SOCS5: variants seen among roughly 807,000 people sequenced by gnomAD.
SOCS5 encodes CIS-6.
Under a neutral mutation model 42.8 loss-of-function variants are expected in SOCS5, and 32 were observed. The observed-to-expected ratio is 0.75, with a 90% CI of 0.56 to 1.01. The LOEUF is 1.01. SOCS5 is among the 50% of genes least tolerant of loss of function. SOCS5 has a pLI of 0.00. For missense variants in SOCS5, 627 were observed against 653.0 expected, an observed-to-expected ratio of 0.96 and a Z score of 0.43; for synonymous variants, 283 against 229.6, an observed-to-expected ratio of 1.23 and a Z score of -2.10.
intron 1 of SOCS5, among the ~76,000 whole-genome samples, chr2:46,710,352 G>C (rs1469464542): frequency 2.0e-5 from 3 of 152,136 alleles, no homozygotes; most frequent in East Asian, 3.9e-4. Flanking sequence ...TCACCACGTT[G>C]GTTAGGCTGG....
rs1318215105 is a variant in SOCS5, at chr2:46,715,078, C to T, written c.-13+15629C>T. Among the ~76,000 whole-genome samples the T allele has an allele frequency of 4.6e-5, 7 of 152,156 alleles. No individual in the cohort carries two copies. In the East Asian group the frequency reaches 1.4e-3, roughly 29 times the overall value. On this transcript the variant is annotated intron_variant, in intron 1 of 1. Transcript: ENST00000394861. ...TTCTTTCTGCTTTGTCAGGCAGTTA[C>T]CTTTTCAAGCAATTAAAAGTGACAA...
At chr2:46,716,679 A>G (rs1053148838) in intron 1 of SOCS5, among the ~76,000 whole-genome samples, 8 of 151,966 alleles carry the variant, frequency 5.3e-5, no homozygotes, top group African/African-American at 1.7e-4. Flanking sequence ...GGGCCTCTCT[A>G]TGTTGCTCAG....
chr2:46,745,187 A>G (rs1465182962), intron 1 of SOCS5, among the ~76,000 whole-genome samples: 1 of 152,146 alleles, frequency 6.6e-6, no homozygotes, highest in Non-Finnish European at 1.5e-5. Context: ...AATATTGAGA[A>G]TTCTGCTTTA....
chr2:46,720,628 G>A (rs1672857233), intron 1 of SOCS5, among the ~76,000 whole-genome samples: 1 of 152,184 alleles, frequency 6.6e-6, no homozygotes, highest in Non-Finnish European at 1.5e-5. Flanking sequence ...TTAGTGTTCT[G>A]TGGTTAGTGT....
intron 1 of SOCS5, among the ~76,000 whole-genome samples, chr2:46,705,115 A>G (rs978628154): frequency 3.9e-5 from 6 of 152,200 alleles, no homozygotes; most frequent in African/African-American, 7.2e-5. Flanking sequence ...ATGTTTTGTA[A>G]TAACCAGCAA....
chr2:46,702,517 A>G (rs905515998), intron 1 of SOCS5, among the ~76,000 whole-genome samples: 4 of 152,216 alleles, frequency 2.6e-5, no homozygotes, highest in African/African-American at 9.6e-5. Context: ...AAAATACAGT[A>G]CTAGAGTACT....
In SOCS5 at chr2:46,699,627, A is replaced by T. The variant is rs1176958567; in HGVS notation, c.-13+178A>T. ...CTGGCTGGGATGGGCTGGCCGGGAAAAGGACTGCTAGCCCGGGCCGCGAGC... is the reference window on the plus strand; with the variant it reads ...CTGGCTGGGATGGGCTGGCCGGGAATAGGACTGCTAGCCCGGGCCGCGAGC... On this transcript the variant is annotated intron_variant, in intron 1 of 1. Transcript: ENST00000394861. The surrounding 1 kb of genome is among the most constrained non-coding windows in gnomAD (Gnocchi z 4.8). Among the ~76,000 whole-genome samples the T allele has an allele frequency of 6.6e-6, 1 of 152,052 alleles. No homozygotes were observed. The highest frequency in any genetic ancestry group is 1.5e-5 in the Non-Finnish European group (1 of 67,974).
At chr2:46,757,521 C>T (rs1332719774) in intron 1 of SOCS5, among the ~76,000 whole-genome samples, 4 of 152,078 alleles carry the variant, frequency 2.6e-5, no homozygotes, top group African/African-American at 9.7e-5. Context: ...TTCTCTATTA[C>T]TTTATTACAG....
intron 1 of SOCS5, among the ~76,000 whole-genome samples, chr2:46,702,081 C>T (rs377486651): frequency 6.6e-6 from 1 of 151,842 alleles, no homozygotes; most frequent in Admixed American, 6.6e-5. Context: ...TGAGTTTACT[C>T]GTTTGTAAAG....
At chr2:46,701,364 G>C (rs887107147) in intron 1 of SOCS5, among the ~76,000 whole-genome samples, 1 of 152,180 alleles carries the variant, frequency 6.6e-6, no homozygotes, top group African/African-American at 2.4e-5. Flanking sequence ...AAAGATGTAT[G>C]TGTATGAGTC....
At chr2:46,745,992 A>T (rs1485714632) in intron 1 of SOCS5, among the ~76,000 whole-genome samples, 2 of 151,912 alleles carry the variant, frequency 1.3e-5, no homozygotes, top group Non-Finnish European at 2.9e-5. Context: ...GTTTTGCTGT[A>T]CTTTTTCTTC....
chr2:46,744,808 G>A (rs1307716171), intron 1 of SOCS5, among the ~76,000 whole-genome samples: 1 of 151,664 alleles, frequency 6.6e-6, no homozygotes, highest in East Asian at 1.9e-4. Context: ...GCTCACATGC[G>A]TGAGCCACCG....
chr2:46,741,772 T>A (rs1212286109), intron 1 of SOCS5, among the ~76,000 whole-genome samples: 1 of 152,206 alleles, frequency 6.6e-6, no homozygotes, highest in Non-Finnish European at 1.5e-5. Context: ...CAGAATTTAT[T>A]TAACCATTCT....
At chr2:46,758,043 A>G (rs1424306254) in intron 1 of SOCS5, among the ~76,000 whole-genome samples, 1 of 152,208 alleles carries the variant, frequency 6.6e-6, no homozygotes, top group Non-Finnish European at 1.5e-5. Context: ...ATTGCAAGGA[A>G]CCAGTTAAGT....
chr2:46,753,636 G>A (rs988622581), intron 1 of SOCS5, among the ~76,000 whole-genome samples: 1 of 152,094 alleles, frequency 6.6e-6, no homozygotes, highest in Non-Finnish European at 1.5e-5. Flanking sequence ...GAAAGCACAG[G>A]AATAAAATAA....
At position 46,757,142 on chromosome 2, in the gene SOCS5, G is replaced by A. The variant is rs186546117; in HGVS notation, c.-12-1377G>A. On this transcript the variant is annotated intron_variant, in intron 1 of 1. Transcript: ENST00000394861. ...AGAGCCTTTTCTGTGAGAAACTAATGGGAAGACCTATAATTCATTCTAAGA... is the reference window on the plus strand; with the variant it reads ...AGAGCCTTTTCTGTGAGAAACTAATAGGAAGACCTATAATTCATTCTAAGA... Among the ~76,000 whole-genome samples the A allele has an allele frequency of 3.4e-3, 511 of 152,236 alleles. 2 individuals carry two copies. Among genetic ancestry groups the A allele is most frequent in the African/African-American group, 0.011 (462 of 41,544 alleles).
intron 1 of SOCS5, among the ~76,000 whole-genome samples, chr2:46,752,517 T>C (rs41518447): frequency 0.12 from 18,485 of 152,032 alleles, 1,636 homozygotes; most frequent in East Asian, 0.41. Flanking sequence ...TATGTATGTA[T>C]ACCTAAACAA....
intron 1 of SOCS5, among the ~76,000 whole-genome samples, chr2:46,715,011 C>A (rs902394196): frequency 6.6e-6 from 1 of 151,930 alleles, no homozygotes; most frequent in Non-Finnish European, 1.5e-5. Flanking sequence ...TCTTCTTTTC[C>A]ATATTTCGTG....
At chr2:46,756,783 C>T (rs1054917464) in intron 1 of SOCS5, among the ~76,000 whole-genome samples, 2 of 151,958 alleles carry the variant, frequency 1.3e-5, no homozygotes, top group Non-Finnish European at 2.9e-5. Flanking sequence ...GGCAGGAATT[C>T]GACTGTATTA....
Sources: allele counts gnomAD v4.1 joint callset (sites outside exome capture counted in the v4.1 genomes callset), GRCh38; gene constraint gnomAD v4.1.1; non-coding constraint Gnocchi (gnomAD v3.1); transcripts MANE v1.5; gene names NCBI Gene and HGNC (gene_info 2026-07-23, HGNC 2026-07-21).